CDK14: variants seen among roughly 807,000 people sequenced by gnomAD.
The protein encoded by CDK14 is cyclin-dependent kinase 14.
A neutral mutation model predicts 60.7 loss-of-function variants in CDK14; 34 were observed. The ratio of observed to expected loss-of-function variants is 0.56; its 90% CI spans 0.43 to 0.75. The LOEUF (loss-of-function observed/expected upper bound fraction) is 0.75. CDK14 is among the 30% of genes least tolerant of loss of function. The pLI, the probability that CDK14 is intolerant of heterozygous loss-of-function variation, is 0.00. For missense variants in CDK14, 482 were observed against 564.1 expected (o/e 0.85, Z 1.47); for synonymous variants, 197 against 203.7 (o/e 0.97, Z 0.28).
intron 2 of CDK14, among the ~76,000 whole-genome samples, chr7:90,722,596 T>G (rs1584822358): frequency 1.4e-5 from 2 of 143,828 alleles, no homozygotes; most frequent in East Asian, 2.1e-4. Flanking sequence ...ATGGGAAATA[T>G]TTTAAGTTGA....
chr7:90,911,493 T>C (rs1364980937), intron 7 of CDK14, among the ~76,000 whole-genome samples: 6 of 152,172 alleles, frequency 3.9e-5, no homozygotes, highest in African/African-American at 1.4e-4. Context: ...CTTAATCTTC[T>C]GAAAGCCCTG....
chr7:91,076,885 A>C (rs1390854768), intron 11 of CDK14, among the ~76,000 whole-genome samples: 1 of 152,246 alleles, frequency 6.6e-6, no homozygotes, highest in Non-Finnish European at 1.5e-5. Context: ...CAGCCAACAA[A>C]CATATGAAAA....
intron 9 of CDK14, among the ~76,000 whole-genome samples, chr7:90,968,457 AC>A (rs1794821059): frequency 6.6e-6 from 1 of 152,146 alleles, no homozygotes; most frequent in Admixed American, 6.5e-5. Context: ...ATTTTCCTAC[AC>A]CCATGTGGGT....
At chr7:90,919,692 C>G (rs1793189208) in intron 8 of CDK14, among the ~76,000 whole-genome samples, 1 of 152,114 alleles carries the variant, frequency 6.6e-6, no homozygotes, top group Non-Finnish European at 1.5e-5. Context: ...TGAACATTTT[C>G]TTATTTTATT....
intron 9 of CDK14, among the ~76,000 whole-genome samples, chr7:90,982,983 T>G (rs1027110214): frequency 6.6e-6 from 1 of 152,010 alleles, no homozygotes; most frequent in African/African-American, 2.4e-5. Flanking sequence ...GAAATGCAAA[T>G]CAAAACCACA....
At chr7:91,100,119 T>C (rs949032690) in intron 12 of CDK14, among the ~76,000 whole-genome samples, 2 of 152,106 alleles carry the variant, frequency 1.3e-5, no homozygotes, top group Admixed American at 1.3e-4. Context: ...AAAATATAAC[T>C]GAGATACGAG....
intron 4 of CDK14, among the ~76,000 whole-genome samples, chr7:90,779,769 G>GTT (rs1335992755): frequency 6.6e-6 from 1 of 152,110 alleles, no homozygotes; most frequent in Non-Finnish European, 1.5e-5. Context: ...TTTTTTGAAA[G>GTT]ATAAGCATTG....
intron 2 of CDK14, among the ~76,000 whole-genome samples, chr7:90,619,134 G>C (rs1799714392): frequency 6.6e-6 from 1 of 152,158 alleles, no homozygotes; most frequent in Non-Finnish European, 1.5e-5. Context: ...CGGTGAGTGT[G>C]ATGCGTGGAT....
chr7:90,637,703 T>C (rs1020404555), intron 2 of CDK14, among the ~76,000 whole-genome samples: 3 of 146,032 alleles, frequency 2.1e-5, no homozygotes, highest in Non-Finnish European at 4.5e-5. Context: ...TAACTTTCTG[T>C]CTCGTTGATC....
intron 10 of CDK14, among the ~76,000 whole-genome samples, chr7:91,010,732 TTTTCCTTCCTTC>T (rs1443513364): frequency 6.6e-6 from 1 of 150,488 alleles, no homozygotes; most frequent in African/African-American, 2.5e-5. Context: ...TTTCTCCTTC[TTTTCCTTCCTTC>T]TTTCCTTCCT....
intron 10 of CDK14, among the ~76,000 whole-genome samples, chr7:91,008,761 G>A (rs1796067335): frequency 6.6e-6 from 1 of 152,206 alleles, no homozygotes; most frequent in African/African-American, 2.4e-5. Flanking sequence ...TAACTAAAGT[G>A]TAGAAATGCT....
intron 5 of CDK14, among the ~76,000 whole-genome samples, chr7:90,808,276 A>C (rs1245509639): frequency 2.0e-5 from 3 of 152,224 alleles, no homozygotes; most frequent in Non-Finnish European, 2.9e-5. Context: ...CTTGGCAGAA[A>C]CCCTACAAGC....
At chr7:90,802,286 T>G (rs965229533) in intron 5 of CDK14, among the ~76,000 whole-genome samples, 2 of 152,208 alleles carry the variant, frequency 1.3e-5, no homozygotes, top group African/African-American at 2.4e-5. Context: ...TCTTAATAAC[T>G]TTTTTTAAGA....
At chr7:90,829,651 G>A (rs1789848293) in intron 5 of CDK14, among the ~76,000 whole-genome samples, 1 of 152,086 alleles carries the variant, frequency 6.6e-6, no homozygotes, top group African/African-American at 2.4e-5. Context: ...TCCTGACTCA[G>A]CCTCCCAAGT....
chr7:90,770,510 C>G (rs1804742314), intron 4 of CDK14, among the ~76,000 whole-genome samples: 1 of 152,144 alleles, frequency 6.6e-6, no homozygotes, highest in Admixed American at 6.5e-5. Flanking sequence ...TATCTTCATT[C>G]AAAGCTCTAC....
In CDK14 at chr7:90,832,181, A is replaced by G. The variant is rs775358551; in HGVS notation, c.545-30994A>G. ...TTTATAATACTTAAAAAAGGCTGGC[A>G]TTGTTATGTATGTGTATTTGTTTAT... is the stretch of plus-strand genomic sequence containing the variant. On this transcript the variant is annotated intron_variant, in intron 5 of 14. Transcript: ENST00000380050. Among the ~76,000 whole-genome samples the G allele has an allele frequency of 1.6e-4, 25 of 152,298 alleles. No individual in the cohort carries two copies. The Middle Eastern group carries it at 0.014, about 83-fold the overall frequency.
intron 5 of CDK14, among the ~76,000 whole-genome samples, chr7:90,792,198 C>T (rs1474974846): frequency 3.5e-5 from 5 of 143,568 alleles, no homozygotes; most frequent in African/African-American, 7.7e-5. Flanking sequence ...CTGTGCCTGC[C>T]TTTTTTTTTT....
intron 11 of CDK14, among the ~76,000 whole-genome samples, chr7:91,046,393 G>C (rs528284616): frequency 3.4e-4 from 52 of 152,198 alleles, no homozygotes; most frequent in African/African-American, 1.2e-3. Flanking sequence ...TCTATAATTT[G>C]AGTTTAAACA....
Position 91,120,041 on chromosome 7 carries a change from T to G in CDK14, c.*28+1833T>G, listed in dbSNP as rs181756514. On this transcript the variant is annotated intron_variant, in intron 14 of 14. Transcript: ENST00000380050. ...GCTTTTTTAAAGTATTTAACCTGCA[T>G]TATCATAATGAGGGCCCTGGCTTTA... Among the ~76,000 whole-genome samples, 269 of 152,328 alleles carry G rather than the reference T, an allele frequency of 1.8e-3. 2 individuals carry two copies. The highest frequency in any genetic ancestry group is 0.01 in the Middle Eastern group (3 of 294).
Sources: gnomAD v4.1 joint callset for allele counts (sites outside exome capture counted in the v4.1 genomes callset) on GRCh38, gnomAD v4.1.1 for gene constraint, MANE v1.5 for transcripts, NCBI Gene and HGNC (gene_info 2026-07-23, HGNC 2026-07-21) for gene names.